NRG1: variants seen among roughly 807,000 people sequenced by gnomAD.
NRG1 encodes pro-neuregulin-1, membrane-bound isoform.
In NRG1, 18 loss-of-function variants were observed where a neutral mutation model predicts 63.8. That is an observed-to-expected ratio of 0.28 (90% CI 0.19 to 0.42). NRG1 has a LOEUF of 0.42. NRG1 is among the 10% of genes least tolerant of loss of function. The pLI is 1.00. For synonymous variants in NRG1, 302 were observed against 301.3 expected (o/e 1.00, Z -0.02); for missense variants, 762 against 814.7 (o/e 0.94, Z 0.79).
At chr8:32,022,372 G>C (rs1251292846) in intron 1 of NRG1, among the ~76,000 whole-genome samples, 4 of 152,066 alleles carry the variant, frequency 2.6e-5, no homozygotes, top group Non-Finnish European at 1.5e-5. Context: ...CATGTTACCA[G>C]AGCCTTTATT....
At chr8:32,512,420 A>G (rs925152213) in intron 1 of NRG1, among the ~76,000 whole-genome samples, 2 of 152,190 alleles carry the variant, frequency 1.3e-5, no homozygotes, top group Admixed American at 1.3e-4. Context: ...GATCACATGA[A>G]TTTCCTTCAA....
chr8:32,713,809 G>T (rs1025829046), intron 5 of NRG1, among the ~76,000 whole-genome samples: 1 of 146,882 alleles, frequency 6.8e-6, no homozygotes, highest in African/African-American at 2.5e-5. Context: ...AAATATATAT[G>T]ATATTATATA....
intron 4 of NRG1, 79 bp from the exon 5 acceptor site, chr8:32,616,756 C>T: frequency 8.9e-7 from 1 of 1,124,872 alleles, no homozygotes; most frequent in East Asian, 2.4e-5. Flanking sequence ...TAGGCGATAC[C>T]CAAGCCTGGC....
intron 1 of NRG1, among the ~76,000 whole-genome samples, chr8:31,991,895 G>A (rs993859312): frequency 1.7e-4 from 26 of 151,718 alleles, no homozygotes; most frequent in Admixed American, 9.9e-4. Flanking sequence ...TTTTATCAAG[G>A]GAAAAATAAC....
chr8:31,670,205 T>G (rs565047217), intron 1 of NRG1, among the ~76,000 whole-genome samples: 3 of 152,186 alleles, frequency 2.0e-5, no homozygotes, highest in Non-Finnish European at 4.4e-5. Flanking sequence ...ATGTTATTTT[T>G]TAGGACAAAA....
At chr8:31,923,672 A>G (rs1490418659) in intron 1 of NRG1, among the ~76,000 whole-genome samples, 9 of 151,786 alleles carry the variant, frequency 5.9e-5, no homozygotes, top group Non-Finnish European at 7.4e-5. Context: ...TCTCATGTTA[A>G]CTGTAAGTTA....
At chr8:32,071,490 C>T (rs577852340) in intron 1 of NRG1, among the ~76,000 whole-genome samples, 1 of 152,208 alleles carries the variant, frequency 6.6e-6, no homozygotes, top group African/African-American at 2.4e-5. Context: ...ATCAGGGATG[C>T]ATTCCTGTAT....
intron 5 of NRG1, chr8:32,722,131 C>T (rs563079744): frequency 5.4e-5 from 59 of 1,102,764 alleles, no homozygotes; most frequent in Non-Finnish European, 6.1e-5. Flanking sequence ...AAGCAAATGG[C>T]GTAGAGTTAT....
chr8:32,679,160 C>T (rs1219374857), intron 5 of NRG1, among the ~76,000 whole-genome samples: 1 of 152,008 alleles, frequency 6.6e-6, no homozygotes, highest in Non-Finnish European at 1.5e-5. Flanking sequence ...AATATCTGTA[C>T]TCAGATATAA....
intron 1 of NRG1, among the ~76,000 whole-genome samples, chr8:31,833,994 T>C (rs1302116359): frequency 6.6e-6 from 1 of 152,200 alleles, no homozygotes; most frequent in Non-Finnish European, 1.5e-5. Flanking sequence ...AGTAAGCCCT[T>C]CTGGACTGGC....
intron 1 of NRG1, among the ~76,000 whole-genome samples, chr8:32,564,339 T>C (rs1837030402): frequency 6.6e-6 from 1 of 152,216 alleles, no homozygotes; most frequent in South Asian, 2.1e-4. Context: ...GTTCATTTAT[T>C]GCCAGGAAAG....
chr8:31,792,625 A>G (rs1369047382), intron 1 of NRG1, among the ~76,000 whole-genome samples: 1 of 152,248 alleles, frequency 6.6e-6, no homozygotes, highest in Non-Finnish European at 1.5e-5. Flanking sequence ...AGCCATTACT[A>G]TGATAGATCT....
chr8:32,322,997 A>G (rs533671989), intron 1 of NRG1, among the ~76,000 whole-genome samples: 1 of 152,276 alleles, frequency 6.6e-6, no homozygotes, highest in South Asian at 2.1e-4. Context: ...AAAGAGGACA[A>G]CACCCAACAC....
chr8:31,844,069 T>C (rs1412840796), intron 1 of NRG1, among the ~76,000 whole-genome samples: 1 of 152,224 alleles, frequency 6.6e-6, no homozygotes, highest in Admixed American at 6.5e-5. Flanking sequence ...ACTGTTATTA[T>C]AGATAAAGCC....
chr8:31,895,694 A>G (rs1298315375), intron 1 of NRG1, among the ~76,000 whole-genome samples: 1 of 152,172 alleles, frequency 6.6e-6, no homozygotes, highest in East Asian at 1.9e-4. Context: ...AATGTGGGCC[A>G]GAGGCAGCAA....
At chr8:32,552,970 T>C (rs1386375364) in intron 1 of NRG1, among the ~76,000 whole-genome samples, 1 of 152,198 alleles carries the variant, frequency 6.6e-6, no homozygotes, top group East Asian at 1.9e-4. Flanking sequence ...TTCCAGGCAG[T>C]AAAACAGATG....
intron 1 of NRG1, among the ~76,000 whole-genome samples, chr8:31,785,582 A>G (rs1359944247): frequency 6.6e-6 from 1 of 152,220 alleles, no homozygotes; most frequent in Non-Finnish European, 1.5e-5. Context: ...AACAACAGTT[A>G]TGCATTACAT....
chr8:32,141,340 A>C (rs867152708), intron 1 of NRG1, among the ~76,000 whole-genome samples: 58 of 151,886 alleles, frequency 3.8e-4, no homozygotes, highest in African/African-American at 1.3e-3. Flanking sequence ...GCAGTATAGA[A>C]TTCACTAGAG....
At chr8:32,581,207 A>G (rs371857428) in intron 1 of NRG1, among the ~76,000 whole-genome samples, 2 of 152,310 alleles carry the variant, frequency 1.3e-5, no homozygotes, top group African/African-American at 2.4e-5. Flanking sequence ...TGTTGAATCA[A>G]TGGGTACTGA....
Sources: allele counts gnomAD v4.1 joint callset (sites outside exome capture counted in the v4.1 genomes callset), GRCh38; gene constraint gnomAD v4.1.1; transcripts MANE v1.5; gene names NCBI Gene and HGNC (gene_info 2026-07-23, HGNC 2026-07-21).